The following NCKAP1 variants were observed in gnomAD, a reference collection of about 807,000 sequenced individuals.
NCKAP1 encodes NCK associated protein 1.
NCKAP1 carries 21 observed loss-of-function variants against 151.2 expected under a neutral mutation model. The observed-to-expected ratio is 0.14, with a 90% CI of 0.10 to 0.20. The LOEUF (loss-of-function observed/expected upper bound fraction) is 0.20. NCKAP1 is among the 10% of genes least tolerant of loss of function. The probability of loss-of-function intolerance (pLI) is 1.00; values close to 1 mark genes in which losing one functional copy is unlikely to be tolerated. For missense variants in NCKAP1, 933 were observed against 1,352.1 expected (o/e 0.69, Z 4.86); for synonymous variants, 484 against 451.8 (o/e 1.07, Z -0.90).
chr2:183,029,132 A>C (rs1297602424), intron 1 of NCKAP1, among the ~76,000 whole-genome samples: 1 of 152,098 alleles, frequency 6.6e-6, no homozygotes, highest in Non-Finnish European at 1.5e-5. Flanking sequence ...GAAACAAAAA[A>C]AAAACTATAG....
chr2:182,965,209 G>A (rs1697541415), intron 16 of NCKAP1, among the ~76,000 whole-genome samples: 2 of 151,390 alleles, frequency 1.3e-5, no homozygotes, highest in Admixed American at 6.6e-5. Context: ...TGGGCAATGT[G>A]GTGAAACCCT....
intron 18 of NCKAP1, among the ~76,000 whole-genome samples, chr2:182,961,669 T>C (rs564914015): frequency 2.0e-5 from 3 of 152,270 alleles, no homozygotes; most frequent in East Asian, 3.9e-4. Flanking sequence ...ACATGGCGTA[T>C]GTATACCTAT....
intron 24 of NCKAP1, among the ~76,000 whole-genome samples, chr2:182,935,997 C>G (rs1696866771): frequency 6.6e-6 from 1 of 152,074 alleles, no homozygotes; most frequent in African/African-American, 2.4e-5. Flanking sequence ...TGGTTCACAT[C>G]TGTAATCCTA....
intron 17 of NCKAP1, among the ~76,000 whole-genome samples, chr2:182,964,341 C>T (rs904645378): frequency 2.6e-5 from 4 of 151,994 alleles, no homozygotes; most frequent in Non-Finnish European, 4.4e-5. Context: ...ATTTAATTTT[C>T]GAGTCCTTTC....
chr2:182,954,338 T>C lies in NCKAP1; in HGVS notation c.2154-1007A>G, dbSNP rs1697280504. Among the ~76,000 whole-genome samples the C allele has an allele frequency of 3.9e-5, 6 of 152,268 alleles. No individual in the cohort carries two copies. In the South Asian group the frequency reaches 1.0e-3, roughly 26 times the overall value. On this transcript the variant is annotated intron_variant, in intron 20 of 30. Transcript: ENST00000361354. ...CAAATTTTGAAAATACTTCCCTAAA[T>C]GATCTTATCCTACACTGACCACCCC...
rs754762375 is a variant in NCKAP1, at chr2:182,989,143, T to C, written c.834A>G (p.Thr278=). 5 of 1,612,164 alleles carry C rather than the reference T, an allele frequency of 3.1e-6. No individual in the cohort carries two copies. In the South Asian group the frequency reaches 4.4e-5, roughly 14 times the overall value. The change falls in exon 9 of 31, where the codon ACA becomes ACG. Residue 278 remains threonine (T), a synonymous_variant. Coordinates refer to ENST00000361354, the MANE Select transcript of NCKAP1 (RefSeq NM_013436.5). ...LCHGILNTDA[T]ALNLWKLALQ... ...GAGCTAGTTTCCAAAGGTTCAGTGC[T>C]GTAGCGTCAGTATTTAGGATCCCAT...
intron 2 of NCKAP1, 28 bp from the exon 3 acceptor site, chr2:183,003,353 C>T: frequency 1.5e-6 from 2 of 1,315,892 alleles, no homozygotes; most frequent in East Asian, 4.7e-5. Flanking sequence ...GAATGCATTG[C>T]TCATAGAGAA....
intron 18 of NCKAP1, among the ~76,000 whole-genome samples, chr2:182,960,987 T>C (rs926379394): frequency 6.6e-6 from 1 of 152,122 alleles, no homozygotes; most frequent in East Asian, 1.9e-4. Context: ...AAAATGCTCA[T>C]CATCACTGGC....
chr2:182,920,973 G>C lies in NCKAP1; in HGVS notation c.*4729C>G, dbSNP rs1379841758. 6.6e-6 allele frequency: 1 copy of C among 152,142 alleles called. No homozygotes were observed. Among genetic ancestry groups the C allele is most frequent in the Admixed American group, 6.5e-5 (1 of 15,278 alleles). 9.4% of individuals were successfully genotyped at this position (152,142 alleles called of 1,614,324 possible). A position where few individuals can be genotyped will look rare whatever the true frequency, so the allele number is the denominator to read the frequency against. On this transcript the variant is annotated 3_prime_UTR_variant, in exon 31 of 31. Transcript: ENST00000361354. ...CTGAAAACATTCAGGACGCATCACT[G>C]AGTAGTGCACAGTTTTAGTCTGTGA...
chr2:182,931,055 T>G (rs1390633079), intron 26 of NCKAP1, among the ~76,000 whole-genome samples: 1 of 152,116 alleles, frequency 6.6e-6, no homozygotes, highest in East Asian at 1.9e-4. Context: ...AATTCTAAAG[T>G]TATCACTTTG....
intron 1 of NCKAP1, among the ~76,000 whole-genome samples, chr2:183,028,764 T>A (rs1027108442): frequency 2.0e-5 from 3 of 152,142 alleles, no homozygotes; most frequent in Non-Finnish European, 4.4e-5. Context: ...TAAAACTTCT[T>A]TATATACATG....
At position 182,941,954 on chromosome 2, in the gene NCKAP1, T is replaced by C. The variant is rs1241007654; in HGVS notation, c.2695+116A>G. On this transcript the variant is annotated intron_variant, in intron 24 of 30. Transcript: ENST00000361354. ...AAATGTTCTAGTTCTCTTCATAAGC[T>C]AAAGAGTACTTTTCATAATTTACTA... 3 of 754,674 alleles carry C rather than the reference T, an allele frequency of 4.0e-6. No individual in the cohort carries two copies. In the Admixed American group the frequency reaches 8.2e-5, roughly 21 times the overall value. 46.7% of individuals were successfully genotyped at this position (754,674 alleles called of 1,614,324 possible). A position where few individuals can be genotyped will look rare whatever the true frequency, so the allele number is the denominator to read the frequency against.
At chr2:182,996,254 T>A (rs533380305) in intron 6 of NCKAP1, among the ~76,000 whole-genome samples, 1 of 152,256 alleles carries the variant, frequency 6.6e-6, no homozygotes, top group Non-Finnish European at 1.5e-5. Context: ...AAACTCAACA[T>A]GCTTTATATT....
intron 17 of NCKAP1, among the ~76,000 whole-genome samples, chr2:182,962,662 T>C (rs894149570): frequency 8.5e-5 from 13 of 152,172 alleles, no homozygotes; most frequent in Admixed American, 3.3e-4. Context: ...TCTTATTTCA[T>C]TTAAAATCTG....
chr2:182,962,686 G>A (rs189873689), intron 17 of NCKAP1, among the ~76,000 whole-genome samples: 9 of 152,160 alleles, frequency 5.9e-5, no homozygotes, highest in Middle Eastern at 3.4e-3. Context: ...CTCTATAAAT[G>A]TATAAATTGT....
At chr2:182,933,003 C>T (rs746673622) in intron 26 of NCKAP1, among the ~76,000 whole-genome samples, 3 of 152,054 alleles carry the variant, frequency 2.0e-5, no homozygotes, top group Non-Finnish European at 4.4e-5. Flanking sequence ...AAGATATATA[C>T]CATTTGGTAT....
intron 2 of NCKAP1, among the ~76,000 whole-genome samples, chr2:183,008,175 GC>G (rs1559104215): frequency 1.3e-5 from 2 of 152,028 alleles, no homozygotes; most frequent in African/African-American, 4.8e-5. Context: ...TGATCCGCCC[GC>G]CTCGGCCTCC....
At chr2:182,975,997 A>T (rs1438371306) in intron 15 of NCKAP1, among the ~76,000 whole-genome samples, 1 of 152,220 alleles carries the variant, frequency 6.6e-6, no homozygotes. Flanking sequence ...TTGTTTGAAC[A>T]TCTAAAAAAA....
intron 11 of NCKAP1, 57 bp downstream of exon 11, chr2:182,983,229 A>C: frequency 7.4e-7 from 1 of 1,358,968 alleles, no homozygotes; most frequent in Non-Finnish European, 1.0e-6. Flanking sequence ...TCACTTAGAA[A>C]CGTTTTTTAA....
Sources: allele counts gnomAD v4.1 joint callset (sites outside exome capture counted in the v4.1 genomes callset), GRCh38; gene constraint gnomAD v4.1.1; transcripts MANE v1.5; gene names NCBI Gene and HGNC (gene_info 2026-07-23, HGNC 2026-07-21).